PVT1: variants seen among roughly 807,000 people sequenced by gnomAD.
PVT1 encodes CXCR4/PVT1 fusion.
intron 3 of PVT1, among the ~76,000 whole-genome samples, chr8:127,960,950 G>A (rs1417963196): frequency 7.8e-6 from 1 of 128,294 alleles, no homozygotes; most frequent in African/African-American, 2.9e-5. Context: ...GGGTGGGGGG[G>A]GCGGGCGGGC....
At chr8:127,846,861 G>A (rs1214748450) in intron 2 of PVT1, among the ~76,000 whole-genome samples, 1 of 149,162 alleles carries the variant, frequency 6.7e-6, no homozygotes, top group Admixed American at 6.7e-5. Flanking sequence ...TTGTATTTTT[G>A]GTAGAGATGG....
intron 4 of PVT1, among the ~76,000 whole-genome samples, chr8:128,040,671 G>T (rs527573339): frequency 4.6e-5 from 7 of 152,154 alleles, no homozygotes; most frequent in African/African-American, 1.7e-4. Context: ...CCATGGGGCC[G>T]CACAGCACAG....
At chr8:128,096,699 C>A (rs1044043699) in intron 6 of PVT1, 1 of 152,274 alleles carries the variant, frequency 6.6e-6, no homozygotes, top group Non-Finnish European at 1.5e-5. Context: ...GCCCAGGCCC[C>A]TTTGCCTTGT....
chr8:127,980,424 A>G (rs930419455), intron 3 of PVT1, among the ~76,000 whole-genome samples: 6 of 152,170 alleles, frequency 3.9e-5, no homozygotes, highest in African/African-American at 1.4e-4. Context: ...GGCAACCTGC[A>G]TACTGGGGGC....
intron 3 of PVT1, among the ~76,000 whole-genome samples, chr8:127,908,348 C>CT (rs34469533): frequency 0.25 from 34,873 of 140,966 alleles, 4,893 homozygotes; most frequent in Middle Eastern, 0.37. Flanking sequence ...TTCTTTCTTT[C>CT]TTTTTTTTTT....
chr8:127,879,687 T>A (rs1815443548), intron 2 of PVT1, among the ~76,000 whole-genome samples: 1 of 152,194 alleles, frequency 6.6e-6, no homozygotes, highest in Non-Finnish European at 1.5e-5. Flanking sequence ...CTTAGTGAGT[T>A]CGTATCTCAC....
chr8:127,992,197 C>A (rs1817051476), intron 4 of PVT1, among the ~76,000 whole-genome samples: 1 of 152,098 alleles, frequency 6.6e-6, no homozygotes, highest in African/African-American at 2.4e-5. Context: ...ACCAGCCTGG[C>A]CAACATGGTG....
At chr8:128,000,810 T>C (rs1337721172) in intron 4 of PVT1, among the ~76,000 whole-genome samples, 2 of 152,224 alleles carry the variant, frequency 1.3e-5, no homozygotes, top group Admixed American at 1.3e-4. Context: ...CAGCCCAGCC[T>C]GGAGCTCTGC....
chr8:127,881,542 C>T (rs191009105), intron 2 of PVT1, among the ~76,000 whole-genome samples: 114 of 151,582 alleles, frequency 7.5e-4, no homozygotes, highest in Non-Finnish European at 1.5e-3. Context: ...CTGCAACCTC[C>T]GCCTTCTGGG....
intron 3 of PVT1, among the ~76,000 whole-genome samples, chr8:127,908,883 G>A (rs947943664): frequency 2.6e-5 from 4 of 152,154 alleles, no homozygotes; most frequent in Admixed American, 6.5e-5. Context: ...GTCACCCTCC[G>A]CCTCTGTCTC....
chr8:127,918,718 G>A (rs1174466396), intron 3 of PVT1, among the ~76,000 whole-genome samples: 3 of 152,216 alleles, frequency 2.0e-5, no homozygotes, highest in Non-Finnish European at 4.4e-5. Context: ...GAGAAAGAAT[G>A]TGAAGGAACA....
chr8:127,896,774 T>TCCCCCCCCCCCCCCCCC (rs71566652), intron 3 of PVT1, among the ~76,000 whole-genome samples: 1 of 112,312 alleles, frequency 8.9e-6, no homozygotes, highest in African/African-American at 3.8e-5. Context: ...ATGCCTTTCC[T>TCCCCCCCCCCCCCCCCC]CCCCCCCCCC....
intron 3 of PVT1, among the ~76,000 whole-genome samples, chr8:127,943,280 A>G (rs75755268): frequency 1.1e-3 from 175 of 152,334 alleles, no homozygotes; most frequent in Non-Finnish European, 2.0e-3. Context: ...GCACCATTTC[A>G]TGCAATCAAT....
chr8:127,833,501 C>T (rs1814876906), intron 2 of PVT1, among the ~76,000 whole-genome samples: 2 of 151,884 alleles, frequency 1.3e-5, no homozygotes, highest in South Asian at 4.2e-4. Flanking sequence ...CTCTGTCGCC[C>T]AGGCTGGAGT....
At chr8:127,940,935 G>A (rs1030411780) in intron 3 of PVT1, among the ~76,000 whole-genome samples, 3 of 152,170 alleles carry the variant, frequency 2.0e-5, no homozygotes, top group Admixed American at 2.0e-4. Context: ...GGTCAGACAT[G>A]GATCTCTCCA....
At chr8:128,022,005 T>G (rs916126040) in intron 4 of PVT1, among the ~76,000 whole-genome samples, 3 of 152,136 alleles carry the variant, frequency 2.0e-5, no homozygotes, top group African/African-American at 7.2e-5. Flanking sequence ...TGAGCCAAGA[T>G]CATGCCACTG....
intron 3 of PVT1, among the ~76,000 whole-genome samples, chr8:127,965,818 G>T (rs142734228): frequency 6.6e-6 from 1 of 152,158 alleles, no homozygotes; most frequent in African/African-American, 2.4e-5. Flanking sequence ...TTCAGAGTCC[G>T]CCAGGAGCTC....
At chr8:127,986,147 A>G (rs914005022) in intron 3 of PVT1, among the ~76,000 whole-genome samples, 6 of 152,206 alleles carry the variant, frequency 3.9e-5, no homozygotes, top group African/African-American at 1.4e-4. Context: ...TTGGAGAAGG[A>G]AGACAATACG....
intron 2 of PVT1, among the ~76,000 whole-genome samples, chr8:127,874,935 T>G (rs1012354200): frequency 4.7e-5 from 7 of 149,816 alleles, no homozygotes; most frequent in African/African-American, 1.5e-4. Context: ...TGTGTGTGTG[T>G]GGGTGTGTGG....
Sources: gnomAD v4.1 joint callset for allele counts (sites outside exome capture counted in the v4.1 genomes callset) on GRCh38, gnomAD v4.1.1 for gene constraint, MANE v1.5 for transcripts, NCBI Gene and HGNC (gene_info 2026-07-23, HGNC 2026-07-21) for gene names.